ATRNL1: variants seen among roughly 807,000 people sequenced by gnomAD.
The protein encoded by ATRNL1 is attractin like 1, also known as attractin-like protein 1.
In ATRNL1, 95 loss-of-function variants were observed where a neutral mutation model predicts 182.7. That is an observed-to-expected ratio of 0.52 (90% CI 0.44 to 0.62). The LOEUF is 0.62. Among genes scored for constraint, ATRNL1 ranks in the 20% least tolerant of loss-of-function variants. ATRNL1 has a pLI of 0.00. For synonymous variants in ATRNL1, 576 were observed against 568.3 expected (o/e 1.01, Z -0.19); for missense variants, 1,471 against 1,679.5 (o/e 0.88, Z 2.17).
intron 27 of ATRNL1, among the ~76,000 whole-genome samples, chr10:115,828,883 C>G (rs1482101857): frequency 1.3e-5 from 2 of 152,188 alleles, no homozygotes; most frequent in African/African-American, 2.4e-5. Context: ...CTAAATTCCT[C>G]TTTAAAAAAT....
At chr10:115,138,901 C>T (rs993090347) in intron 5 of ATRNL1, among the ~76,000 whole-genome samples, 1 of 152,160 alleles carries the variant, frequency 6.6e-6, no homozygotes, top group Admixed American at 6.6e-5. Flanking sequence ...TGCTGTGTGT[C>T]CCTTTTAAAA....
At chr10:115,760,463 A>T (rs1201432161) in intron 27 of ATRNL1, among the ~76,000 whole-genome samples, 1 of 152,110 alleles carries the variant, frequency 6.6e-6, no homozygotes, top group African/African-American at 2.4e-5. Flanking sequence ...TAAGTCTAGA[A>T]GACTTTTAAA....
chr10:115,202,087 C>G (rs1848604559), intron 8 of ATRNL1, among the ~76,000 whole-genome samples: 1 of 151,990 alleles, frequency 6.6e-6, no homozygotes, highest in African/African-American at 2.4e-5. Flanking sequence ...ATTTTGTATC[C>G]TGAGACTTTG....
chr10:115,684,471 A>T (rs1458579724), intron 26 of ATRNL1, among the ~76,000 whole-genome samples: 6 of 150,704 alleles, frequency 4.0e-5, no homozygotes, highest in Non-Finnish European at 8.9e-5. Flanking sequence ...TTTTTCCTCT[A>T]ACAATTTTAT....
intron 28 of ATRNL1, among the ~76,000 whole-genome samples, chr10:115,888,003 C>T (rs976275596): frequency 1.3e-5 from 2 of 152,094 alleles, no homozygotes; most frequent in Non-Finnish European, 1.5e-5. Flanking sequence ...AACTTATCAC[C>T]AGCTTGCTTA....
intron 18 of ATRNL1, among the ~76,000 whole-genome samples, chr10:115,330,171 A>C (rs1251548972): frequency 1.3e-5 from 2 of 152,098 alleles, no homozygotes; most frequent in Admixed American, 1.3e-4. Context: ...CTTTAACTTC[A>C]TTACTCTTCT....
chr10:115,583,376 C>T (rs1436156848), intron 26 of ATRNL1, among the ~76,000 whole-genome samples: 1 of 109,126 alleles, frequency 9.2e-6, no homozygotes, highest in African/African-American at 2.8e-5. Flanking sequence ...TTCTTCCTAC[C>T]CATGAGCATG....
At chr10:115,512,384 C>T (rs1457412896) in intron 24 of ATRNL1, among the ~76,000 whole-genome samples, 1 of 151,772 alleles carries the variant, frequency 6.6e-6, no homozygotes, top group Non-Finnish European at 1.5e-5. Context: ...AATTGAGACA[C>T]AATAACATCT....
chr10:115,393,434 T>C (rs1318761430), intron 19 of ATRNL1, among the ~76,000 whole-genome samples: 2 of 152,152 alleles, frequency 1.3e-5, no homozygotes, highest in Non-Finnish European at 2.9e-5. Context: ...AAGTTGAACA[T>C]TGGGAAATTT....
intron 26 of ATRNL1, among the ~76,000 whole-genome samples, chr10:115,649,927 A>G (rs958086897): frequency 1.3e-5 from 2 of 152,180 alleles, no homozygotes; most frequent in Non-Finnish European, 2.9e-5. Flanking sequence ...AAAGTGGAAG[A>G]TAAAAGTGAT....
intron 19 of ATRNL1, among the ~76,000 whole-genome samples, chr10:115,347,376 G>T (rs1856022867): frequency 6.6e-6 from 1 of 151,814 alleles, no homozygotes; most frequent in Non-Finnish European, 1.5e-5. Context: ...TATTTTTTGG[G>T]GCCACATTAG....
chr10:115,830,497 G>A (rs1409169174), intron 27 of ATRNL1, among the ~76,000 whole-genome samples: 1 of 152,038 alleles, frequency 6.6e-6, no homozygotes, highest in Non-Finnish European at 1.5e-5. Context: ...AAGCTTTAGG[G>A]GTTTTAGCCT....
chr10:115,685,846 A>G (rs933384562), intron 26 of ATRNL1, among the ~76,000 whole-genome samples: 2 of 151,758 alleles, frequency 1.3e-5, no homozygotes, highest in African/African-American at 4.8e-5. Context: ...TAATTTAATT[A>G]TCAAAATTTT....
intron 20 of ATRNL1, among the ~76,000 whole-genome samples, chr10:115,424,739 A>T (rs1474706331): frequency 6.6e-6 from 1 of 152,076 alleles, no homozygotes; most frequent in African/African-American, 2.4e-5. Flanking sequence ...ATACAAGTTG[A>T]GAGTAGAATT....
At chr10:115,177,697 A>G (rs1847570519) in intron 8 of ATRNL1, among the ~76,000 whole-genome samples, 1 of 151,774 alleles carries the variant, frequency 6.6e-6, no homozygotes, top group Non-Finnish European at 1.5e-5. Context: ...CCTGTCTCGC[A>G]CTCCTGACCT....
intron 19 of ATRNL1, among the ~76,000 whole-genome samples, chr10:115,366,759 A>G (rs1857066066): frequency 6.6e-6 from 1 of 151,008 alleles, no homozygotes. Flanking sequence ...AAAGTATTTT[A>G]TTTCTCCTTC....
chr10:115,515,020 A>G (rs1449525814), intron 24 of ATRNL1, among the ~76,000 whole-genome samples: 3 of 151,896 alleles, frequency 2.0e-5, no homozygotes, highest in Non-Finnish European at 4.4e-5. Context: ...TTGAAAGTTC[A>G]TGTACTCCAA....
intron 24 of ATRNL1, among the ~76,000 whole-genome samples, chr10:115,503,950 A>G (rs1237826627): frequency 6.6e-6 from 1 of 151,812 alleles, no homozygotes; most frequent in African/African-American, 2.4e-5. Flanking sequence ...TTCTTGTAAT[A>G]TAACCTTTAA....
At chr10:115,440,886 A>C (rs1258526121) in intron 21 of ATRNL1, among the ~76,000 whole-genome samples, 1 of 151,918 alleles carries the variant, frequency 6.6e-6, no homozygotes, top group Non-Finnish European at 1.5e-5. Context: ...CTCTCCAAAT[A>C]AGTGTTTTAA....
Sources: allele counts gnomAD v4.1 joint callset (sites outside exome capture counted in the v4.1 genomes callset), GRCh38; gene constraint gnomAD v4.1.1; transcripts MANE v1.5; gene names NCBI Gene and HGNC (gene_info 2026-07-23, HGNC 2026-07-21).